The following CTNNA3 variants were observed in gnomAD, a reference collection of about 807,000 sequenced individuals.
CTNNA3 encodes catenin alpha 3, also known as catenin alpha-3.
Under a neutral mutation model 95.7 loss-of-function variants are expected in CTNNA3, and 76 were observed. The observed-to-expected ratio is 0.79, with a 90% CI of 0.66 to 0.96. The LOEUF is 0.96. Ranked by LOEUF, CTNNA3 falls within the 40% of genes least tolerant of loss-of-function variation. The pLI is 0.00. For synonymous variants in CTNNA3, 431 were observed against 374.4 expected (o/e 1.15, Z -1.74); for missense variants, 1,191 against 1,089.8 (o/e 1.09, Z -1.31).
intron 7 of CTNNA3, among the ~76,000 whole-genome samples, chr10:67,030,771 C>T (rs1305725356): frequency 1.3e-5 from 2 of 152,014 alleles, no homozygotes; most frequent in South Asian, 2.1e-4. Context: ...TTTGGGAGGC[C>T]GAGGTGGGCA....
intron 7 of CTNNA3, chr10:66,928,581 A>T: frequency 1.2e-6 from 1 of 827,524 alleles, no homozygotes; most frequent in Non-Finnish European, 1.8e-6. Context: ...CTTTGCTGGC[A>T]AGATCCTTCC....
chr10:66,597,263 T>C (rs1012906528), intron 10 of CTNNA3, among the ~76,000 whole-genome samples: 2 of 151,582 alleles, frequency 1.3e-5, no homozygotes, highest in Non-Finnish European at 2.9e-5. Flanking sequence ...AAAGAAATCA[T>C]AACAGAAGTC....
At chr10:66,406,871 TA>T (rs1181290984) in intron 11 of CTNNA3, among the ~76,000 whole-genome samples, 1 of 152,214 alleles carries the variant, frequency 6.6e-6, no homozygotes, top group African/African-American at 2.4e-5. Context: ...TTTAGTGAAA[TA>T]ACCATACTTA....
At chr10:65,999,975 T>C (rs1161655150) in intron 15 of CTNNA3, among the ~76,000 whole-genome samples, 1 of 150,844 alleles carries the variant, frequency 6.6e-6, no homozygotes, top group Non-Finnish European at 1.5e-5. Flanking sequence ...GGCCTGCCAC[T>C]AGCTGAGGTA....
chr10:67,534,517 A>G (rs377169029), intron 4 of CTNNA3, among the ~76,000 whole-genome samples: 2 of 152,206 alleles, frequency 1.3e-5, no homozygotes, highest in African/African-American at 4.8e-5. Flanking sequence ...GTTGCTATCA[A>G]TGAGATTTTG....
At chr10:66,860,585 T>C (rs1843877351) in intron 7 of CTNNA3, among the ~76,000 whole-genome samples, 1 of 152,184 alleles carries the variant, frequency 6.6e-6, no homozygotes, top group Non-Finnish European at 1.5e-5. Context: ...GTGCTTGTGT[T>C]TTCTAAGCAA....
At chr10:66,104,567 A>G (rs1403546302) in intron 13 of CTNNA3, among the ~76,000 whole-genome samples, 3 of 152,152 alleles carry the variant, frequency 2.0e-5, no homozygotes, top group Admixed American at 6.6e-5. Context: ...ATTGTGCCCA[A>G]TATGTAGCTT....
chr10:66,087,721 A>G (rs1395286982), intron 14 of CTNNA3, among the ~76,000 whole-genome samples: 2 of 152,138 alleles, frequency 1.3e-5, no homozygotes, highest in African/African-American at 2.4e-5. Flanking sequence ...TACTCAATCA[A>G]TTAGAACTAG....
chr10:67,197,945 T>G (rs1387308046), intron 6 of CTNNA3, among the ~76,000 whole-genome samples: 1 of 152,120 alleles, frequency 6.6e-6, no homozygotes, highest in Non-Finnish European at 1.5e-5. Context: ...GCAAAGAAAC[T>G]GTATTGACTC....
chr10:67,517,307 T>C (rs1433778904), intron 5 of CTNNA3, among the ~76,000 whole-genome samples: 25 of 152,150 alleles, frequency 1.6e-4, no homozygotes, highest in Admixed American at 1.6e-3. Context: ...ATGAAAAAGA[T>C]AAGAGATAAC....
At chr10:66,360,642 TCTTTCTTTCTTTCTTTCTTCCTTCCTTC>T (rs1165462197) in intron 12 of CTNNA3, among the ~76,000 whole-genome samples, 88 of 62,526 alleles carry the variant, frequency 1.4e-3, no homozygotes, top group Middle Eastern at 5.7e-3. Flanking sequence ...TTTCTTTCTT[TCTTTCTTTCTTTCTTTCTTCCTTCCTTC>T]CTTCCTTCCT....
chr10:67,025,494 C>T (rs563641055), intron 7 of CTNNA3, among the ~76,000 whole-genome samples: 2 of 152,100 alleles, frequency 1.3e-5, no homozygotes, highest in South Asian at 4.1e-4. Flanking sequence ...AAATTCCAGA[C>T]TTCCTATATA....
intron 10 of CTNNA3, among the ~76,000 whole-genome samples, chr10:66,522,329 C>T (rs1406439456): frequency 6.6e-6 from 1 of 151,996 alleles, no homozygotes; most frequent in Non-Finnish European, 1.5e-5. Flanking sequence ...TGTTGCCTTT[C>T]ATAGGGGTTT....
intron 7 of CTNNA3, among the ~76,000 whole-genome samples, chr10:66,874,477 A>T (rs1366060365): frequency 6.6e-6 from 1 of 152,224 alleles, no homozygotes; most frequent in African/African-American, 2.4e-5. Context: ...CAAAGATATT[A>T]GCTATTTGTT....
At chr10:67,387,542 C>T (rs1349922881) in intron 5 of CTNNA3, among the ~76,000 whole-genome samples, 1 of 152,218 alleles carries the variant, frequency 6.6e-6, no homozygotes, top group South Asian at 2.1e-4. Context: ...GAAGCTCGAA[C>T]TGGGTGGAGC....
At chr10:67,199,888 C>T (rs1589854423) in intron 6 of CTNNA3, among the ~76,000 whole-genome samples, 1 of 152,088 alleles carries the variant, frequency 6.6e-6, no homozygotes, top group African/African-American at 2.4e-5. Flanking sequence ...ATACATAATT[C>T]CATCAAGAAA....
chr10:67,118,100 T>C (rs577290858), intron 7 of CTNNA3, among the ~76,000 whole-genome samples: 1 of 152,118 alleles, frequency 6.6e-6, no homozygotes, highest in South Asian at 2.1e-4. Context: ...AGTGGGCGCA[T>C]CTAAGACATC....
chr10:65,948,246 A>C (rs751717685), intron 17 of CTNNA3, among the ~76,000 whole-genome samples: 53 of 145,802 alleles, frequency 3.6e-4, no homozygotes, highest in Non-Finnish European at 5.4e-4. Context: ...ATGCCACTGC[A>C]CTCCAGCCTG....
intron 7 of CTNNA3, among the ~76,000 whole-genome samples, chr10:67,079,365 G>A (rs566297193): frequency 7.7e-4 from 117 of 152,294 alleles, no homozygotes; most frequent in African/African-American, 2.6e-3. Flanking sequence ...GGAACACAGC[G>A]ATAGGGCAGT....
Sources: gnomAD v4.1 joint callset for allele counts (sites outside exome capture counted in the v4.1 genomes callset) on GRCh38, gnomAD v4.1.1 for gene constraint, MANE v1.5 for transcripts, NCBI Gene and HGNC (gene_info 2026-07-23, HGNC 2026-07-21) for gene names.